The following GRM5 variants were observed in gnomAD, a reference collection of about 807,000 sequenced individuals.
The protein encoded by GRM5 is glutamate metabotropic receptor 5.
A neutral mutation model predicts 83.1 loss-of-function variants in GRM5; 19 were observed. The ratio of observed to expected loss-of-function variants is 0.23; its 90% CI spans 0.16 to 0.34. The LOEUF is 0.34. Ranked by LOEUF, GRM5 falls within the 10% of genes least tolerant of loss-of-function variation. GRM5 has a pLI of 1.00. For missense variants in GRM5, 1,160 were observed against 1,588.3 expected, an observed-to-expected ratio of 0.73 and a Z score of 4.58; for synonymous variants, 675 against 633.6, an observed-to-expected ratio of 1.07 and a Z score of -0.98.
intron 3 of GRM5, among the ~76,000 whole-genome samples, chr11:88,684,726 C>T (rs1213768161): frequency 6.6e-6 from 1 of 152,132 alleles, no homozygotes; most frequent in East Asian, 1.9e-4. Context: ...TGGGGCAGTT[C>T]CCCCGATACT....
intron 4 of GRM5, 37 bp downstream of exon 4, chr11:88,653,131 C>T (rs1330537246): frequency 7.2e-6 from 9 of 1,258,090 alleles, no homozygotes; most frequent in African/African-American, 2.9e-5. Flanking sequence ...GGAACCTTAG[C>T]CTTATGCATT....
intron 3 of GRM5, among the ~76,000 whole-genome samples, chr11:88,724,325 T>G (rs1379445982): frequency 6.6e-6 from 1 of 152,148 alleles, no homozygotes; most frequent in African/African-American, 2.4e-5. Context: ...TGACCTTTTC[T>G]CAGGAGGCCG....
At chr11:88,720,261 G>A (rs1386598234) in intron 3 of GRM5, among the ~76,000 whole-genome samples, 1 of 152,034 alleles carries the variant, frequency 6.6e-6, no homozygotes, top group Admixed American at 6.6e-5. Context: ...GACAATAAAT[G>A]AGTGGCTGTG....
intron 3 of GRM5, among the ~76,000 whole-genome samples, chr11:88,846,805 G>T (rs755740411): frequency 3.9e-5 from 6 of 151,976 alleles, no homozygotes; most frequent in African/African-American, 7.3e-5. Context: ...CTAGAATACT[G>T]AAAGAAGTTA....
intron 3 of GRM5, among the ~76,000 whole-genome samples, chr11:88,795,724 C>A (rs964752849): frequency 2.6e-5 from 4 of 152,130 alleles, no homozygotes; most frequent in Non-Finnish European, 4.4e-5. Context: ...TGCCAAAAAT[C>A]ATTTCTGTAG....
chr11:88,616,277 A>G (rs193165417), intron 4 of GRM5, among the ~76,000 whole-genome samples: 1 of 152,196 alleles, frequency 6.6e-6, no homozygotes, highest in East Asian at 1.9e-4. Flanking sequence ...AAGTGCAAAT[A>G]TGCCTAATAT....
chr11:88,557,869 A>C (rs1004610260), intron 8 of GRM5, among the ~76,000 whole-genome samples: 18 of 151,986 alleles, frequency 1.2e-4, no homozygotes, highest in African/African-American at 3.9e-4. Context: ...CATCACCTAC[A>C]TTAGGTATTT....
chr11:88,784,903 T>C (rs541012594), intron 3 of GRM5, among the ~76,000 whole-genome samples: 4 of 152,216 alleles, frequency 2.6e-5, no homozygotes, highest in African/African-American at 9.6e-5. Context: ...TGTAAATTTA[T>C]CATGAAATAT....
rs1555043262 is a variant in GRM5 at position 88,928,907 on chromosome 11, TAC to T, written c.662-78754_662-78753del. ...GTTTGTACCTATGTGTATGTGTATA[TAC>T]ACACACACACACACACACACACACA... On this transcript the variant is annotated intron_variant, in intron 2 of 9. Transcript: ENST00000305447. Among the ~76,000 whole-genome samples the T allele has an allele frequency of 4.0e-3, 552 of 138,748 alleles. 11 individuals carry two copies. Among genetic ancestry groups the T allele is most frequent in the Middle Eastern group, 0.032 (9 of 280 alleles). 91.0% of individuals were successfully genotyped at this position (138,748 alleles called of 152,430 possible). A position where few individuals can be genotyped will look rare whatever the true frequency, so the allele number is the denominator to read the frequency against.
intron 3 of GRM5, among the ~76,000 whole-genome samples, chr11:88,713,077 C>A (rs1429870632): frequency 1.3e-5 from 2 of 151,850 alleles, no homozygotes; most frequent in Non-Finnish European, 2.9e-5. Context: ...AGGTTTATGG[C>A]AAAATTTTGG....
rs768343645 is a variant in GRM5 at position 88,750,888 on chromosome 11, G to A, written c.912-97485C>T. 4.6e-4 allele frequency among the ~76,000 whole-genome samples: 70 copies of A among 151,284 alleles called. 1 individual carries two copies. The highest frequency in any genetic ancestry group is 4.9e-4 in the Non-Finnish European group (33 of 67,480). ...TTGTTGAAACTAATGAGTATAAAGA[G>A]GCATCTCTGGGATGCTGTAAGGCAT... On this transcript the variant is annotated intron_variant, in intron 3 of 9. Transcript: ENST00000305447.
chr11:89,002,056 A>C (rs1352158514), intron 2 of GRM5, among the ~76,000 whole-genome samples: 2 of 152,156 alleles, frequency 1.3e-5, no homozygotes, highest in African/African-American at 2.4e-5. Context: ...CAACATTTTA[A>C]AAGGCATGTG....
intron 9 of GRM5, among the ~76,000 whole-genome samples, chr11:88,515,049 C>T (rs1037435911): frequency 2.6e-5 from 4 of 152,036 alleles, no homozygotes; most frequent in Admixed American, 6.6e-5. Context: ...CCTCTCTTAA[C>T]TAGTCTTTGG....
In GRM5 at chr11:88,596,185, T is replaced by C. The variant is rs964857647; in HGVS notation, c.1563+999A>G. Among the ~76,000 whole-genome samples, 8 of 152,306 alleles carry C rather than the reference T, an allele frequency of 5.3e-5. No individual in the cohort carries two copies. The South Asian group carries it at 1.7e-3, about 32-fold the overall frequency. ...TGTTGACTTCTTTATCTTCCACAAC[T>C]CGGCATCAAATTGGTTGTCAGCCTG... On this transcript the variant is annotated intron_variant, in intron 6 of 9. Transcript: ENST00000305447.
chr11:88,908,738 T>G (rs938129265), intron 2 of GRM5, among the ~76,000 whole-genome samples: 3 of 152,144 alleles, frequency 2.0e-5, no homozygotes, highest in African/African-American at 7.2e-5. Context: ...GATTTCCTCA[T>G]TATTCGACTG....
At chr11:88,660,794 GC>G (rs1246675810) in intron 3 of GRM5, among the ~76,000 whole-genome samples, 4 of 152,142 alleles carry the variant, frequency 2.6e-5, no homozygotes, top group African/African-American at 9.7e-5. Flanking sequence ...ACACTCCTAA[GC>G]CTTTGGGTGT....
chr11:89,013,364 C>A (rs1940761826), intron 2 of GRM5, among the ~76,000 whole-genome samples: 1 of 152,114 alleles, frequency 6.6e-6, no homozygotes, highest in African/African-American at 2.4e-5. Flanking sequence ...CAAATAACTT[C>A]TTTTTCATTT....
At chr11:88,516,387 T>C (rs1941520890) in intron 9 of GRM5, among the ~76,000 whole-genome samples, 2 of 152,112 alleles carry the variant, frequency 1.3e-5, no homozygotes, top group African/African-American at 4.8e-5. Context: ...GACATACCCC[T>C]GTGGAGCATC....
At chr11:88,943,153 C>T (rs1938168277) in intron 2 of GRM5, among the ~76,000 whole-genome samples, 1 of 152,120 alleles carries the variant, frequency 6.6e-6, no homozygotes, top group Admixed American at 6.6e-5. Flanking sequence ...GAAAGAACCA[C>T]TGAACTCTAA....
Sources: gnomAD v4.1 joint callset for allele counts (sites outside exome capture counted in the v4.1 genomes callset) on GRCh38, gnomAD v4.1.1 for gene constraint, MANE v1.5 for transcripts, NCBI Gene and HGNC (gene_info 2026-07-23, HGNC 2026-07-21) for gene names.